Variants in GRIK4 observed in about 807,000 individuals in gnomAD.
The protein encoded by GRIK4 is glutamate ionotropic receptor kainate type subunit 4.
Under a neutral mutation model 104.9 loss-of-function variants are expected in GRIK4, and 40 were observed. That is an observed-to-expected ratio of 0.38 (90% CI 0.30 to 0.50). The LOEUF (loss-of-function observed/expected upper bound fraction) is 0.50. GRIK4 is among the 20% of genes least tolerant of loss of function. The probability of loss-of-function intolerance (pLI) is 0.93; values close to 1 mark genes in which losing one functional copy is unlikely to be tolerated. For synonymous variants in GRIK4, 485 were observed against 524.9 expected (o/e 0.92, Z 1.04); for missense variants, 1,047 against 1,308.1 (o/e 0.80, Z 3.08).
chr11:120,712,096 A>G (rs1158977853), intron 3 of GRIK4, among the ~76,000 whole-genome samples: 3 of 152,224 alleles, frequency 2.0e-5, no homozygotes, highest in Admixed American at 6.5e-5. Context: ...TTAAATGGAC[A>G]TGTCAATAAA....
intron 14 of GRIK4, among the ~76,000 whole-genome samples, chr11:120,944,221 T>C (rs1943800960): frequency 2.1e-5 from 3 of 143,482 alleles, no homozygotes; most frequent in Admixed American, 6.9e-5. Context: ...CTCTCTCTCT[T>C]TTTGTCTTTC....
intron 1 of GRIK4, among the ~76,000 whole-genome samples, chr11:120,520,481 C>A (rs1947783530): frequency 6.6e-6 from 1 of 152,196 alleles, no homozygotes; most frequent in African/African-American, 2.4e-5. Flanking sequence ...CAGGGAAGGG[C>A]CCGGTGTGGA....
chr11:120,880,160 C>T (rs1282315901), intron 11 of GRIK4, among the ~76,000 whole-genome samples: 1 of 152,208 alleles, frequency 6.6e-6, no homozygotes, highest in East Asian at 1.9e-4. Flanking sequence ...TTTCTCTGAG[C>T]AATGGAGGTC....
At chr11:120,604,171 CAAAAAA>C (rs59469495) in intron 1 of GRIK4, among the ~76,000 whole-genome samples, 2 of 51,780 alleles carry the variant, frequency 3.9e-5, no homozygotes, top group African/African-American at 1.6e-4. Flanking sequence ...GACTCCTTCT[CAAAAAA>C]AAAAAAAAAA....
At chr11:120,682,176 C>T (rs1046785054) in intron 3 of GRIK4, among the ~76,000 whole-genome samples, 5 of 152,124 alleles carry the variant, frequency 3.3e-5, no homozygotes, top group Admixed American at 2.0e-4. Flanking sequence ...AGAAGGAAGT[C>T]GAATTGAAAT....
chr11:120,782,884 C>A (rs1056775971), intron 3 of GRIK4, among the ~76,000 whole-genome samples: 10 of 152,246 alleles, frequency 6.6e-5, no homozygotes, highest in African/African-American at 2.2e-4. Context: ...GGGGAGGGTG[C>A]TACTGGCATC....
chr11:120,664,290 T>A (rs1482837166), intron 3 of GRIK4, among the ~76,000 whole-genome samples: 1 of 152,240 alleles, frequency 6.6e-6, no homozygotes, highest in Non-Finnish European at 1.5e-5. Context: ...GGGCTGAAGA[T>A]CCTGGTTGGG....
chr11:120,671,984 A>G (rs1950025459), intron 3 of GRIK4, among the ~76,000 whole-genome samples: 1 of 152,130 alleles, frequency 6.6e-6, no homozygotes, highest in Admixed American at 6.5e-5. Context: ...ATTGATCTGT[A>G]TATCTGTTTT....
At chr11:120,550,358 TG>T (rs1948127768) in intron 1 of GRIK4, among the ~76,000 whole-genome samples, 1 of 1,100 alleles carries the variant, frequency 9.1e-4, no homozygotes, top group African/African-American at 2.7e-3. Flanking sequence ...TGGGGTGAGT[TG>T]GGGGGTGGGG....
chr11:120,984,911 C>T (rs1000549687), intron 20 of GRIK4, among the ~76,000 whole-genome samples: 17 of 150,340 alleles, frequency 1.1e-4, no homozygotes, highest in African/African-American at 4.2e-4. Flanking sequence ...TCACTGCAAC[C>T]TCCGCCTCCC....
chr11:120,979,845 G>A (rs903393072), intron 19 of GRIK4, among the ~76,000 whole-genome samples: 2 of 152,122 alleles, frequency 1.3e-5, no homozygotes, highest in Non-Finnish European at 2.9e-5. Flanking sequence ...TTTTGTTTTT[G>A]TTTTTGAGAT....
chr11:120,604,370 C>T lies in GRIK4; in HGVS notation c.-158-49315C>T, dbSNP rs572675200. 3.3e-5 allele frequency among the ~76,000 whole-genome samples: 5 copies of T among 152,188 alleles called. No homozygotes were observed. The South Asian group carries it at 1.0e-3, about 32-fold the overall frequency. On this transcript the variant is annotated intron_variant, in intron 1 of 20. Transcript: ENST00000527524. ...CATTGCTTTTCCTATCTCAGGAAGG[C>T]ATGAACTAAATAAAGGTAACACTCA...
At chr11:120,851,054 G>A (rs1474996465) in intron 8 of GRIK4, among the ~76,000 whole-genome samples, 1 of 152,034 alleles carries the variant, frequency 6.6e-6, no homozygotes, top group Non-Finnish European at 1.5e-5. Flanking sequence ...TAGCTCATGT[G>A]GTAGACGCAT....
chr11:120,767,618 T>C (rs2135451260), intron 3 of GRIK4, among the ~76,000 whole-genome samples: 1 of 152,290 alleles, frequency 6.6e-6, no homozygotes, highest in South Asian at 2.1e-4. Flanking sequence ...AAAAAATCAT[T>C]GTTAAGGCCA....
intron 1 of GRIK4, among the ~76,000 whole-genome samples, chr11:120,588,279 G>A (rs367844354): frequency 1.3e-5 from 2 of 152,178 alleles, no homozygotes; most frequent in Admixed American, 1.3e-4. Context: ...GCTTCTTGGA[G>A]TATGGTGTTC....
intron 3 of GRIK4, among the ~76,000 whole-genome samples, chr11:120,725,419 A>C (rs1287397548): frequency 1.3e-5 from 2 of 152,214 alleles, no homozygotes; most frequent in Admixed American, 6.5e-5. Flanking sequence ...TAGTGTTGCC[A>C]AGGAAGAAGG....
At chr11:120,876,942 G>T (rs1204581608) in intron 11 of GRIK4, among the ~76,000 whole-genome samples, 1 of 152,176 alleles carries the variant, frequency 6.6e-6, no homozygotes, top group East Asian at 1.9e-4. Context: ...CCTGCTTCTG[G>T]GTCCCAGCAT....
intron 1 of GRIK4, among the ~76,000 whole-genome samples, chr11:120,583,435 C>T (rs61900900): frequency 0.31 from 46,843 of 152,046 alleles, 8,357 homozygotes; most frequent in Non-Finnish European, 0.41. Context: ...ATGCCTATGT[C>T]CAGAATGGTA....
At chr11:120,779,765 CT>C (rs1208761775) in intron 3 of GRIK4, among the ~76,000 whole-genome samples, 3 of 152,218 alleles carry the variant, frequency 2.0e-5, no homozygotes, top group Non-Finnish European at 4.4e-5. Context: ...TCACTCTCTC[CT>C]TGCCTGTTTT....
Sources: allele counts gnomAD v4.1 joint callset (sites outside exome capture counted in the v4.1 genomes callset), GRCh38; gene constraint gnomAD v4.1.1; transcripts MANE v1.5; gene names NCBI Gene and HGNC (gene_info 2026-07-23, HGNC 2026-07-21).